The following SATB2 variants were observed in gnomAD, a reference collection of about 807,000 sequenced individuals.
SATB2 encodes DNA-binding protein SATB2.
In SATB2, 1 loss-of-function variant was observed where a neutral mutation model predicts 73.4. That is an observed-to-expected ratio of 0.01 (90% CI 0.00 to 0.06). The LOEUF (loss-of-function observed/expected upper bound fraction) is 0.06, where lower values mean the gene tolerates loss of function less well. Ranked by LOEUF, SATB2 falls within the 10% of genes least tolerant of loss-of-function variation. The pLI, the probability that SATB2 is intolerant of heterozygous loss-of-function variation, is 1.00. For missense variants in SATB2, 459 were observed against 945.8 expected (o/e 0.49, Z 6.75); for synonymous variants, 397 against 367.0 (o/e 1.08, Z -0.93).
chr2:199,310,077 C>T (rs1687553291), intron 9 of SATB2, among the ~76,000 whole-genome samples: 1 of 152,210 alleles, frequency 6.6e-6, no homozygotes. Context: ...ACCAGCTGTT[C>T]TCATTGTGCA....
At chr2:199,293,280 C>T (rs1044457714) in intron 10 of SATB2, among the ~76,000 whole-genome samples, 1 of 151,928 alleles carries the variant, frequency 6.6e-6, no homozygotes, top group Non-Finnish European at 1.5e-5. Context: ...TGATTTGCCA[C>T]CAAACATAAT....
intron 6 of SATB2, among the ~76,000 whole-genome samples, chr2:199,358,533 T>C (rs1328805985): frequency 1.3e-5 from 2 of 152,146 alleles, no homozygotes; most frequent in African/African-American, 4.8e-5. Context: ...TCTCTAAATT[T>C]GTTCAAGAGA....
At chr2:199,348,547 T>C (rs1161243832) in intron 7 of SATB2, 154 bp downstream of exon 7, 2 of 703,252 alleles carry the variant, frequency 2.8e-6, no homozygotes, top group Admixed American at 2.2e-5. Context: ...CATGGATCAA[T>C]GGTAATAGCG....
chr2:199,365,267 G>A (rs1422560741), intron 6 of SATB2, among the ~76,000 whole-genome samples: 1 of 149,998 alleles, frequency 6.7e-6, no homozygotes, highest in Non-Finnish European at 1.5e-5. Context: ...GTAAAATCTG[G>A]TCCAGAAGCA....
At chr2:199,294,629 T>G (rs1437358306) in intron 10 of SATB2, among the ~76,000 whole-genome samples, 1 of 152,174 alleles carries the variant, frequency 6.6e-6, no homozygotes, top group Non-Finnish European at 1.5e-5. Context: ...TATTTGACAT[T>G]GGCCCACCAC....
intron 3 of SATB2, among the ~76,000 whole-genome samples, chr2:199,409,150 ATTTTCTT>A (rs1690729325): frequency 7.1e-6 from 1 of 141,642 alleles, no homozygotes; most frequent in African/African-American, 2.6e-5. Flanking sequence ...AAGCTCCAAC[ATTTTCTT>A]TTTTCTTTTC....
intron 3 of SATB2, chr2:199,423,988 T>C (rs1393920333): frequency 6.6e-6 from 1 of 152,238 alleles, no homozygotes; most frequent in East Asian, 1.9e-4. Flanking sequence ...CTGATTTGCA[T>C]ATAGCCCACA....
chr2:199,279,132 A>G (rs1159314830), intron 10 of SATB2, among the ~76,000 whole-genome samples: 1 of 152,250 alleles, frequency 6.6e-6, no homozygotes, highest in Non-Finnish European at 1.5e-5. Context: ...ATGGGCATGA[A>G]GATGGCAATG....
At chr2:199,405,782 TAAAAGAAAAAA>T (rs1158660092) in intron 3 of SATB2, among the ~76,000 whole-genome samples, 11 of 151,592 alleles carry the variant, frequency 7.3e-5, no homozygotes, top group Admixed American at 1.3e-4. Flanking sequence ...CATAGTTTTT[TAAAAGAAAAAA>T]AAAAGAAATA....
At chr2:199,465,208 A>G (rs1692569864), upstream of SATB2, 1 of 152,206 alleles carries the variant, frequency 6.6e-6, no homozygotes, top group East Asian at 1.9e-4. Context: ...TTGTTTCAGC[A>G]GTCCTTGTCT....
At chr2:199,299,101 T>C (rs540916472) in intron 10 of SATB2, among the ~76,000 whole-genome samples, 4 of 152,276 alleles carry the variant, frequency 2.6e-5, no homozygotes, top group South Asian at 2.1e-4. Flanking sequence ...GTAAATAAGG[T>C]TGCTAACTTG....
intron 9 of SATB2, among the ~76,000 whole-genome samples, chr2:199,318,684 A>G (rs774133036): frequency 1.2e-4 from 19 of 152,070 alleles, no homozygotes; most frequent in Non-Finnish European, 2.6e-4. Context: ...AGGCTGTTAA[A>G]TTACTTACGT....
At chr2:199,275,048 G>A (rs537119641) in intron 10 of SATB2, among the ~76,000 whole-genome samples, 1 of 152,250 alleles carries the variant, frequency 6.6e-6, no homozygotes, top group South Asian at 2.1e-4. Flanking sequence ...CCCCATTAGA[G>A]CAATTGCGCT....
At chr2:199,453,056 C>T (rs1173606122) in intron 2 of SATB2, among the ~76,000 whole-genome samples, 1 of 152,052 alleles carries the variant, frequency 6.6e-6, no homozygotes, top group Admixed American at 6.6e-5. Flanking sequence ...AGTAATGCCC[C>T]TTCTTTTATG....
At chr2:199,466,287 C>T (rs1408162871), upstream of SATB2, among the ~76,000 whole-genome samples, 2 of 152,186 alleles carry the variant, frequency 1.3e-5, no homozygotes, top group Non-Finnish European at 2.9e-5. Context: ...CCAGCCCTTG[C>T]CGGCACTTAG....
In SATB2 at chr2:199,328,681, G is replaced by A; in HGVS notation, c.1386+17C>T. 6.2e-7 allele frequency: 1 copy of A among 1,606,204 alleles called. No homozygotes were observed. Among genetic ancestry groups the A allele is most frequent in the African/African-American group, 1.3e-5 (1 of 74,836 alleles). ...TCCAAGACAAAGAGTGAAAAATACG[G>A]AAAGCAAGTTTCTCACCTGAGGGGT... On this transcript the variant is annotated intron_variant, in intron 8 of 10. Coordinates refer to ENST00000417098, the MANE Select transcript of SATB2 (RefSeq NM_001172509.2).
chr2:199,432,278 G>A (rs1691526163), intron 3 of SATB2, among the ~76,000 whole-genome samples: 1 of 152,146 alleles, frequency 6.6e-6, no homozygotes, highest in African/African-American at 2.4e-5. Context: ...TTCCTAAAAA[G>A]CAATCATCTA....
chr2:199,405,520 G>A (rs1690605308), intron 3 of SATB2, among the ~76,000 whole-genome samples: 1 of 152,138 alleles, frequency 6.6e-6, no homozygotes, highest in Non-Finnish European at 1.5e-5. Context: ...TGTGTGCCCT[G>A]GAGGGAAATA....
chr2:199,460,638 T>G (rs1436720826), upstream of SATB2: 1 of 152,362 alleles, frequency 6.6e-6, no homozygotes, highest in Non-Finnish European at 1.5e-5. The surrounding 1 kb of genome is among the most constrained non-coding windows in gnomAD (Gnocchi z 4.0). Flanking sequence ...CCTAAGTCAT[T>G]AATGAGCTAT....
Sources: allele counts gnomAD v4.1 joint callset (sites outside exome capture counted in the v4.1 genomes callset), GRCh38; gene constraint gnomAD v4.1.1; non-coding constraint Gnocchi (gnomAD v3.1); transcripts MANE v1.5; gene names NCBI Gene and HGNC (gene_info 2026-07-23, HGNC 2026-07-21).